The following PRKG1 variants were observed in gnomAD, a reference collection of about 807,000 sequenced individuals.
PRKG1 encodes the protein cGMP-dependent protein kinase 1.
Under a neutral mutation model 88.1 loss-of-function variants are expected in PRKG1, and 35 were observed. The ratio of observed to expected loss-of-function variants is 0.40; its 90% CI spans 0.30 to 0.53. The LOEUF (loss-of-function observed/expected upper bound fraction) is 0.53. Ranked by LOEUF, PRKG1 falls within the 20% of genes least tolerant of loss-of-function variation. The probability of loss-of-function intolerance (pLI) is 0.59; values close to 1 mark genes in which losing one functional copy is unlikely to be tolerated. For synonymous variants in PRKG1, 303 were observed against 292.5 expected (o/e 1.04, Z -0.37); for missense variants, 540 against 839.8 (o/e 0.64, Z 4.41).
chr10:51,777,102 G>T (rs1245894516), intron 3 of PRKG1, among the ~76,000 whole-genome samples: 3 of 152,072 alleles, frequency 2.0e-5, no homozygotes, highest in Non-Finnish European at 4.4e-5. Context: ...TGGCTGATTT[G>T]TACAACTTTG....
At chr10:51,224,984 TG>T (rs1220213748) in intron 2 of PRKG1, among the ~76,000 whole-genome samples, 1 of 152,164 alleles carries the variant, frequency 6.6e-6, no homozygotes, top group African/African-American at 2.4e-5. Flanking sequence ...ATAAATTTAG[TG>T]TTGGTGATGA....
rs185966807 is a variant in PRKG1 at position 51,226,135 on chromosome 10, C to G, written c.478+72805C>G. ...ATGAGAATTACTTGAACCCGGGATTCAGAGGTTGCAGTGACCCAAGATCAC... is the reference window on the plus strand; with the variant it reads ...ATGAGAATTACTTGAACCCGGGATTGAGAGGTTGCAGTGACCCAAGATCAC... On this transcript the variant is annotated intron_variant, in intron 2 of 17. Transcript: ENST00000373980. 5.9e-5 allele frequency among the ~76,000 whole-genome samples: 9 copies of G among 152,220 alleles called. No homozygotes were observed. The East Asian group carries it at 1.5e-3, about 26-fold the overall frequency.
intron 9 of PRKG1, among the ~76,000 whole-genome samples, chr10:52,191,529 A>G (rs542125552): frequency 6.7e-4 from 102 of 152,176 alleles, no homozygotes; most frequent in African/African-American, 2.4e-3. Flanking sequence ...AGATTATCCT[A>G]TTGCTTTTTA....
chr10:51,596,071 C>T (rs1838440556), intron 3 of PRKG1, among the ~76,000 whole-genome samples: 1 of 152,068 alleles, frequency 6.6e-6, no homozygotes, highest in Admixed American at 6.6e-5. Context: ...CCTCATGATC[C>T]ACCTGCCTCG....
intron 3 of PRKG1, among the ~76,000 whole-genome samples, chr10:51,779,042 C>CT (rs1838516644): frequency 6.6e-6 from 1 of 152,118 alleles, no homozygotes; most frequent in South Asian, 2.1e-4. Context: ...AGGAACAGAA[C>CT]TTTAAGAAAA....
upstream of PRKG1, among the ~76,000 whole-genome samples, chr10:51,069,633 A>C (rs4935009): frequency 0.89 from 135,815 of 152,064 alleles, 60,839 homozygotes; most frequent in African/African-American, 0.96. Context: ...AAAACATATT[A>C]ACACAAAGTA....
rs57104400 is a variant in PRKG1 at position 51,115,372 on chromosome 10, C to CATATATATATATATATAT, written c.312-37779_312-37778insTATATATATATATATATA. Among the ~76,000 whole-genome samples, 287 of 31,874 alleles carry CATATATATATATATATAT rather than the reference C, an allele frequency of 9.0e-3. 23 individuals are homozygous for CATATATATATATATATAT. Among genetic ancestry groups the CATATATATATATATATAT allele is most frequent in the East Asian group, 0.029 (13 of 454 alleles). The allele number at this position is 31,874 out of a possible 152,430, so 20.9% of individuals were successfully genotyped here. A position where few individuals can be genotyped will look rare whatever the true frequency, so the allele number is the denominator to read the frequency against. On this transcript the variant is annotated intron_variant, in intron 1 of 17. Transcript: ENST00000373980. Reference sequence around the variant, plus strand: ...GATGTTACAATAATGTTCCTTTAAACATATATATATATAAAACAAATGTGA... The same window carrying CATATATATATATATATAT: ...GATGTTACAATAATGTTCCTTTAAACATATATATATATATATATATATATATATATAAAACAAATGTGA...
At chr10:52,036,402 G>A in intron 5 of PRKG1, among the ~76,000 whole-genome samples, 1 of 150,662 alleles carries the variant, frequency 6.6e-6, no homozygotes, top group Admixed American at 6.6e-5. Flanking sequence ...TTTAGGACAG[G>A]TAAAATGGGG....
chr10:52,153,520 G>C (rs1440116383), intron 8 of PRKG1, among the ~76,000 whole-genome samples: 1 of 152,148 alleles, frequency 6.6e-6, no homozygotes, highest in Non-Finnish European at 1.5e-5. Context: ...AGTCTTTAAT[G>C]TGTCAAATGT....
intron 3 of PRKG1, chr10:51,698,460 T>C (rs1841367065): frequency 6.2e-7 from 1 of 1,613,900 alleles, no homozygotes; most frequent in African/African-American, 1.3e-5. Flanking sequence ...GCATGATGCA[T>C]GGGGGGACCC....
At chr10:51,639,570 A>G (rs913828768) in intron 3 of PRKG1, among the ~76,000 whole-genome samples, 1 of 151,030 alleles carries the variant, frequency 6.6e-6, no homozygotes, top group African/African-American at 2.4e-5. Flanking sequence ...TGGAAGCCAA[A>G]TTTTAAAACC....
chr10:52,142,196 C>A (rs1214247960), intron 8 of PRKG1, among the ~76,000 whole-genome samples: 2 of 152,064 alleles, frequency 1.3e-5, no homozygotes, highest in Non-Finnish European at 2.9e-5. Flanking sequence ...TGTCCAAGCT[C>A]TTTAATGTTA....
intron 4 of PRKG1, among the ~76,000 whole-genome samples, chr10:51,807,934 C>T (rs935723204): frequency 8.5e-5 from 13 of 152,110 alleles, no homozygotes; most frequent in African/African-American, 2.7e-4. Flanking sequence ...GAAAGGTGTT[C>T]TGAGGCCTTC....
chr10:51,307,229 C>T (rs1335536212), intron 2 of PRKG1, among the ~76,000 whole-genome samples: 1 of 152,008 alleles, frequency 6.6e-6, no homozygotes, highest in Middle Eastern at 3.2e-3. Context: ...TCCTGTTTTC[C>T]AGGTAAAATG....
At chr10:51,461,000 CTT>C (rs1222829389) in intron 2 of PRKG1, among the ~76,000 whole-genome samples, 1 of 152,012 alleles carries the variant, frequency 6.6e-6, no homozygotes, top group Non-Finnish European at 1.5e-5. Flanking sequence ...TATATTGACT[CTT>C]TTTTTGCATA....
intron 12 of PRKG1, among the ~76,000 whole-genome samples, chr10:52,275,558 G>A (rs532699108): frequency 6.6e-6 from 1 of 152,186 alleles, no homozygotes; most frequent in South Asian, 2.1e-4. Flanking sequence ...TTTTGTACCA[G>A]TGCTATGCTG....
intron 2 of PRKG1, among the ~76,000 whole-genome samples, chr10:51,359,138 G>T (rs909282940): frequency 6.6e-6 from 1 of 151,606 alleles, no homozygotes; most frequent in Non-Finnish European, 1.5e-5. Flanking sequence ...ATGACTAAAG[G>T]GTTCATCTGA....
chr10:51,572,460 A>G (rs1170224565), intron 3 of PRKG1, among the ~76,000 whole-genome samples: 1 of 151,882 alleles, frequency 6.6e-6, no homozygotes, highest in Non-Finnish European at 1.5e-5. Context: ...GAATCTGGGA[A>G]TTATGAAGTG....
At chr10:51,156,073 A>G (rs1846203812) in intron 2 of PRKG1, among the ~76,000 whole-genome samples, 1 of 151,874 alleles carries the variant, frequency 6.6e-6, no homozygotes, top group South Asian at 2.1e-4. Context: ...CTTCCACCTA[A>G]CATGATTCAA....
Sources: gnomAD v4.1 joint callset for allele counts (sites outside exome capture counted in the v4.1 genomes callset) on GRCh38, gnomAD v4.1.1 for gene constraint, MANE v1.5 for transcripts, NCBI Gene and HGNC (gene_info 2026-07-23, HGNC 2026-07-21) for gene names.